Variants in GRM3 observed in about 807,000 individuals in gnomAD.
GRM3 encodes the protein glutamate metabotropic receptor 3, also known as metabotropic glutamate receptor 3.
Under a neutral mutation model 70.5 loss-of-function variants are expected in GRM3, and 26 were observed. The ratio of observed to expected loss-of-function variants is 0.37; its 90% CI spans 0.27 to 0.51. GRM3 has a LOEUF of 0.51. Ranked by LOEUF, GRM3 falls within the 20% of genes least tolerant of loss-of-function variation. The probability of loss-of-function intolerance (pLI) is 0.93; values close to 1 mark genes in which losing one functional copy is unlikely to be tolerated. For missense variants in GRM3, 859 were observed against 1,123.8 expected (o/e 0.76, Z 3.37); for synonymous variants, 443 against 434.9 (o/e 1.02, Z -0.23).
chr7:86,716,141 T>C (rs547956421), intron 1 of GRM3, among the ~76,000 whole-genome samples: 2 of 152,078 alleles, frequency 1.3e-5, no homozygotes, highest in South Asian at 2.1e-4. Flanking sequence ...CTCAAATGTA[T>C]TCCCAATGTC....
At chr7:86,796,448 C>T (rs1420176276) in intron 3 of GRM3, among the ~76,000 whole-genome samples, 1 of 152,092 alleles carries the variant, frequency 6.6e-6, no homozygotes, top group Non-Finnish European at 1.5e-5. Flanking sequence ...CTGTACTATG[C>T]TGTTTGGGTT....
intron 1 of GRM3, among the ~76,000 whole-genome samples, chr7:86,713,711 T>C (rs1475600237): frequency 6.6e-6 from 1 of 151,984 alleles, no homozygotes; most frequent in Non-Finnish European, 1.5e-5. Flanking sequence ...GCAGCAGAAA[T>C]ATGTCTTAAC....
chr7:86,770,445 A>AACATG (rs897221815), intron 2 of GRM3, among the ~76,000 whole-genome samples: 14 of 152,248 alleles, frequency 9.2e-5, no homozygotes, highest in Non-Finnish European at 1.6e-4. Flanking sequence ...CACATAGTAT[A>AACATG]ACATGACATG....
Position 86,778,930 on chromosome 7 carries a change from G to T in GRM3, c.469-7331G>T, listed in dbSNP as rs79889704. On this transcript the variant is annotated intron_variant, in intron 2 of 5. Coordinates refer to ENST00000361669, the MANE Select transcript of GRM3 (RefSeq NM_000840.3). ...TTAGGATGAGGTCATACTGAAGTAG[G>T]GTAGGTTCCTAATTCAGTATGACTG... is the stretch of plus-strand genomic sequence containing the variant. Among the ~76,000 whole-genome samples, 887 of 152,140 alleles carry T rather than the reference G, an allele frequency of 5.8e-3. 12 individuals carry two copies. The highest frequency in any genetic ancestry group is 0.02 in the African/African-American group (844 of 41,504).
chr7:86,841,125 A>G (rs1223233940), intron 4 of GRM3, among the ~76,000 whole-genome samples: 1 of 152,220 alleles, frequency 6.6e-6, no homozygotes, highest in Non-Finnish European at 1.5e-5. Flanking sequence ...CATGTTGTAC[A>G]TAAATGTATA....
intron 2 of GRM3, among the ~76,000 whole-genome samples, chr7:86,774,604 T>C (rs542891352): frequency 1.3e-5 from 2 of 152,130 alleles, no homozygotes; most frequent in Admixed American, 6.6e-5. Flanking sequence ...ATTTTAAACA[T>C]AGACCAGATT....
chr7:86,850,215 G>A (rs1167244059), intron 4 of GRM3, among the ~76,000 whole-genome samples, 155 bp from the exon 5 acceptor site: 1 of 152,142 alleles, frequency 6.6e-6, no homozygotes, highest in African/African-American at 2.4e-5. Flanking sequence ...AAACATAGAA[G>A]ATTCAATATA....
At chr7:86,714,603 C>T (rs1341601536) in intron 1 of GRM3, among the ~76,000 whole-genome samples, 2 of 151,946 alleles carry the variant, frequency 1.3e-5, no homozygotes, top group African/African-American at 4.8e-5. Flanking sequence ...AAGTAATTGA[C>T]CTGCTAAATC....
At chr7:86,710,566 T>TGGGGGGGGGGGGGGGGGGGGGGGG (rs1171125332) in intron 1 of GRM3, among the ~76,000 whole-genome samples, 1 of 8,132 alleles carries the variant, frequency 1.2e-4, no homozygotes, top group Non-Finnish European at 2.5e-4. Context: ...GTGTGTGTGG[T>TGGGGGGGGGGGGGGGGGGGGGGGG]GGGGGGTGGG....
intron 1 of GRM3, among the ~76,000 whole-genome samples, chr7:86,743,478 A>G (rs1796033725): frequency 1.3e-5 from 2 of 152,088 alleles, no homozygotes. Flanking sequence ...TAAAACATTT[A>G]TCTATAAGGG....
At chr7:86,764,001 C>T (rs1346174683) in intron 1 of GRM3, among the ~76,000 whole-genome samples, 1 of 151,966 alleles carries the variant, frequency 6.6e-6, no homozygotes, top group Admixed American at 6.6e-5. Context: ...GGCATAGTGG[C>T]TAATTGAAAG....
intron 1 of GRM3, among the ~76,000 whole-genome samples, chr7:86,661,803 C>G (rs1305930722): frequency 6.6e-6 from 1 of 151,666 alleles, no homozygotes; most frequent in Admixed American, 6.6e-5. Flanking sequence ...AACATGAAAC[C>G]AATCAATAAG....
intron 4 of GRM3, among the ~76,000 whole-genome samples, chr7:86,843,039 G>A (rs1051094514): frequency 6.6e-6 from 1 of 152,092 alleles, no homozygotes; most frequent in African/African-American, 2.4e-5. Context: ...TGGGCCGGGG[G>A]CAGGGCTGGT....
chr7:86,695,052 C>A (rs1232176054), intron 1 of GRM3, among the ~76,000 whole-genome samples: 1 of 152,156 alleles, frequency 6.6e-6, no homozygotes, highest in Non-Finnish European at 1.5e-5. Context: ...TAAAAGTAGT[C>A]ATTTGCTTGA....
chr7:86,841,061 A>C (rs1798549642), intron 4 of GRM3, among the ~76,000 whole-genome samples: 1 of 152,224 alleles, frequency 6.6e-6, no homozygotes, highest in Non-Finnish European at 1.5e-5. Context: ...GAAGTAATGC[A>C]TATGTTAATT....
intron 3 of GRM3, among the ~76,000 whole-genome samples, chr7:86,818,174 T>C (rs1427019712): frequency 2.6e-5 from 4 of 152,064 alleles, no homozygotes; most frequent in Non-Finnish European, 5.9e-5. Flanking sequence ...TCATTGCTAG[T>C]TGTTCATTCA....
chr7:86,855,127 A>G (rs1584281789), intron 5 of GRM3, among the ~76,000 whole-genome samples: 1 of 152,204 alleles, frequency 6.6e-6, no homozygotes, highest in African/African-American at 2.4e-5. Context: ...AAAAGAGGTC[A>G]TTTTTATTCT....
chr7:86,672,377 A>C lies in GRM3; in HGVS notation c.-141+27505A>C, dbSNP rs980737924. ...TGAGAAAAGAGATAAATGGGCAATA[A>C]AAGTCTATCTTGTCAGGCACAGTTG... On this transcript the variant is annotated intron_variant, in intron 1 of 5. Coordinates refer to ENST00000361669, the MANE Select transcript of GRM3 (RefSeq NM_000840.3). Among the ~76,000 whole-genome samples, 3 of 152,322 alleles carry C rather than the reference A, an allele frequency of 2.0e-5. No homozygotes were observed. The East Asian group carries it at 5.8e-4, about 29-fold the overall frequency.
chr7:86,792,558 A>C (rs1323072563), intron 3 of GRM3, among the ~76,000 whole-genome samples: 1 of 152,280 alleles, frequency 6.6e-6, no homozygotes, highest in African/African-American at 2.4e-5. Flanking sequence ...AATTCATCCA[A>C]GTTCACATAA....
Sources: gnomAD v4.1 joint callset for allele counts (sites outside exome capture counted in the v4.1 genomes callset) on GRCh38, gnomAD v4.1.1 for gene constraint, MANE v1.5 for transcripts, NCBI Gene and HGNC (gene_info 2026-07-23, HGNC 2026-07-21) for gene names.